The following GLIS3 variants were observed in gnomAD, a reference collection of about 807,000 sequenced individuals.
The protein encoded by GLIS3 is GLIS family zinc finger 3.
Under a neutral mutation model 78.6 loss-of-function variants are expected in GLIS3, and 53 were observed. The observed-to-expected ratio is 0.67, with a 90% CI of 0.54 to 0.85. The LOEUF is 0.85. Ranked by LOEUF, GLIS3 falls within the 40% of genes least tolerant of loss-of-function variation. GLIS3 has a pLI of 0.00. For synonymous variants in GLIS3, 684 were observed against 509.9 expected, an observed-to-expected ratio of 1.34 and a Z score of -4.60; for missense variants, 1,703 against 1,231.1, an observed-to-expected ratio of 1.38 and a Z score of -5.74.
chr9:4,439,285 C>G, the GLIS3 span, among the ~76,000 whole-genome samples: 1 of 152,224 alleles, frequency 6.6e-6, no homozygotes, highest in Non-Finnish European at 1.5e-5. Context: ...AATTCACACA[C>G]TTAAAATGCA....
chr9:4,116,891 T>C (rs553605205), intron 4 of GLIS3, among the ~76,000 whole-genome samples: 4 of 152,340 alleles, frequency 2.6e-5, no homozygotes, highest in African/African-American at 7.2e-5. Flanking sequence ...CTGTCTGAGA[T>C]TGTGCAAAGC....
intron 2 of GLIS3, among the ~76,000 whole-genome samples, chr9:4,264,392 G>A (rs1193838144): frequency 6.6e-6 from 1 of 152,114 alleles, no homozygotes; most frequent in Non-Finnish European, 1.5e-5. Flanking sequence ...TTTCACTCTT[G>A]CTTTCCCATC....
intron 6 of GLIS3, among the ~76,000 whole-genome samples, chr9:3,924,646 T>C (rs963249876): frequency 1.3e-5 from 2 of 152,084 alleles, no homozygotes; most frequent in Admixed American, 6.5e-5. Flanking sequence ...ATCAATGACA[T>C]AGCTCAACTG....
In GLIS3 at chr9:3,826,330, C is replaced by A. The variant is rs922915467; in HGVS notation, c.*1942G>T. 4.6e-5 allele frequency: 7 copies of A among 152,140 alleles called. No individual in the cohort carries two copies. The highest frequency in any genetic ancestry group is 2.0e-4 in the Admixed American group (3 of 15,282). The allele number at this position is 152,140 out of a possible 1,614,324, so 9.4% of individuals were successfully genotyped here. A position where few individuals can be genotyped will look rare whatever the true frequency, so the allele number is the denominator to read the frequency against. ...CATGAGGGATGCTACTAGCTGTGAG[C>A]ATGCATATGTTAGGCCACTTGTTTA... is the stretch of plus-strand genomic sequence containing the variant. On this transcript the variant is annotated 3_prime_UTR_variant, in exon 11 of 11. Transcript: ENST00000381971.
chr9:4,267,045 G>C (rs182918918), intron 2 of GLIS3, among the ~76,000 whole-genome samples: 57 of 152,240 alleles, frequency 3.7e-4, no homozygotes, highest in African/African-American at 1.3e-3. Flanking sequence ...TTTGAGAAAA[G>C]AATCAGGAAG....
At chr9:4,435,775 C>T in the GLIS3 span, among the ~76,000 whole-genome samples, 1 of 152,000 alleles carries the variant, frequency 6.6e-6, no homozygotes, top group Non-Finnish European at 1.5e-5. Flanking sequence ...CAGTGAAACC[C>T]TATCTCTACT....
At chr9:4,053,874 A>G (rs751112711) in intron 4 of GLIS3, among the ~76,000 whole-genome samples, 4 of 152,164 alleles carry the variant, frequency 2.6e-5, no homozygotes, top group Non-Finnish European at 5.9e-5. Context: ...TGCACAGACC[A>G]TCAAACACGG....
At chr9:3,854,709 T>C (rs933243179) in intron 9 of GLIS3, among the ~76,000 whole-genome samples, 3 of 151,752 alleles carry the variant, frequency 2.0e-5, no homozygotes, top group Non-Finnish European at 4.4e-5. Flanking sequence ...GCTAATTTTT[T>C]TTTTTTTTGT....
At chr9:4,045,319 G>A (rs554149047) in intron 4 of GLIS3, among the ~76,000 whole-genome samples, 2 of 151,800 alleles carry the variant, frequency 1.3e-5, no homozygotes, top group Non-Finnish European at 2.9e-5. Context: ...GAAGTGTTCT[G>A]AACTTTTTGC....
chr9:4,215,904 G>T (rs959977933), intron 2 of GLIS3, among the ~76,000 whole-genome samples: 1 of 151,940 alleles, frequency 6.6e-6, no homozygotes, highest in African/African-American at 2.4e-5. Flanking sequence ...AGCAATATAG[G>T]GAAAGACATT....
At chr9:4,400,070 T>G in the GLIS3 span, among the ~76,000 whole-genome samples, 5,326 of 152,258 alleles carry the variant, frequency 0.035, 162 homozygotes, top group South Asian at 0.093. Flanking sequence ...TTGGAAGCCA[T>G]GTAACGAGTT....
chr9:4,258,079 A>G (rs987245642), intron 2 of GLIS3, among the ~76,000 whole-genome samples: 22 of 152,200 alleles, frequency 1.4e-4, no homozygotes, highest in Non-Finnish European at 5.9e-5. Context: ...CACACAACAC[A>G]AAACTAGAAC....
intron 4 of GLIS3, among the ~76,000 whole-genome samples, chr9:4,115,400 T>G (rs1254660863): frequency 6.6e-6 from 1 of 152,174 alleles, no homozygotes; most frequent in African/African-American, 2.4e-5. Context: ...TTCAGTCAAC[T>G]ACCATCAGAT....
chr9:3,878,944 T>C (rs1021289822), intron 8 of GLIS3: 4 of 166,278 alleles, frequency 2.4e-5, no homozygotes, highest in African/African-American at 4.8e-5. Context: ...AGTAAAAATA[T>C]CATGAAGATC....
At chr9:4,367,351 ATC>A in the GLIS3 span, among the ~76,000 whole-genome samples, 35 of 152,128 alleles carry the variant, frequency 2.3e-4, no homozygotes, top group Non-Finnish European at 4.4e-4. Context: ...ACCCCATCTA[ATC>A]TGTCTAAGTC....
At chr9:3,911,140 C>G (rs1353452171) in intron 6 of GLIS3, among the ~76,000 whole-genome samples, 1 of 151,964 alleles carries the variant, frequency 6.6e-6, no homozygotes, top group Admixed American at 6.6e-5. Context: ...CTTCCTTCCT[C>G]CCTTCCTTCC....
Position 4,269,561 on chromosome 9 carries a change from T to A in GLIS3, c.388+16477A>T, listed in dbSNP as rs566363336. Among the ~76,000 whole-genome samples, 11 of 152,364 alleles carry A rather than the reference T, an allele frequency of 7.2e-5. No individual in the cohort carries two copies. In the East Asian group the frequency reaches 2.1e-3, roughly 29 times the overall value. ...CTACTTAAATCATCAGAATTTTACC[T>A]GATTTCATATTTAGGCACAAGCTTA... On this transcript the variant is annotated intron_variant, in intron 2 of 10. Coordinates refer to ENST00000381971, the MANE Select transcript of GLIS3 (RefSeq NM_001042413.2).
intron 8 of GLIS3, among the ~76,000 whole-genome samples, chr9:3,860,130 C>T (rs1315345605): frequency 1.3e-5 from 2 of 151,774 alleles, no homozygotes; most frequent in African/African-American, 4.8e-5. Context: ...AAAATATTAG[C>T]CGGGTGTAGT....
chr9:4,057,372 C>G (rs1035667682), intron 4 of GLIS3, among the ~76,000 whole-genome samples: 2 of 152,100 alleles, frequency 1.3e-5, no homozygotes, highest in Non-Finnish European at 2.9e-5. Flanking sequence ...TAAATTCTCC[C>G]TGGGTGGATC....
Sources: allele counts gnomAD v4.1 joint callset (sites outside exome capture counted in the v4.1 genomes callset), GRCh38; gene constraint gnomAD v4.1.1; transcripts MANE v1.5; gene names NCBI Gene and HGNC (gene_info 2026-07-23, HGNC 2026-07-21).